The following VPS13B variants were observed in gnomAD, a reference collection of about 807,000 sequenced individuals.
The protein encoded by VPS13B is vacuolar protein sorting 13 homolog B.
VPS13B carries 285 observed loss-of-function variants against 426.4 expected under a neutral mutation model. The ratio of observed to expected loss-of-function variants is 0.67; its 90% CI spans 0.61 to 0.74. The LOEUF (loss-of-function observed/expected upper bound fraction) is 0.74. VPS13B is among the 30% of genes least tolerant of loss of function. The pLI is 0.00. For missense variants in VPS13B, 4,537 were observed against 4,782.6 expected (o/e 0.95, Z 1.51); for synonymous variants, 1,676 against 1,676.4 (o/e 1.00, Z 0.01).
rs796824615 is a variant in VPS13B, at chr8:99,430,702, ACC to A, written c.3083-826_3083-825del. Among the ~76,000 whole-genome samples, 351 of 124,960 alleles carry A rather than the reference ACC, an allele frequency of 2.8e-3. 4 individuals are homozygous for A. Among genetic ancestry groups the A allele is most frequent in the African/African-American group, 9.4e-3 (326 of 34,744 alleles). 82.0% of individuals were successfully genotyped at this position (124,960 alleles called of 152,430 possible). On this transcript the variant is annotated intron_variant, in intron 21 of 61. Transcript: ENST00000357162. ...CCTCTTTTGGTTATCATCAAAATCC[ACC>A]CCCCCCCCAACTTTTTTTTTGTTGT...
intron 3 of VPS13B, among the ~76,000 whole-genome samples, chr8:99,074,828 G>A (rs1199383962): frequency 6.6e-6 from 1 of 151,880 alleles, no homozygotes; most frequent in African/African-American, 2.4e-5. Flanking sequence ...GTAGAAACAG[G>A]GTTTCACCAT....
At chr8:99,543,533 A>G (rs1375992100) in intron 30 of VPS13B, among the ~76,000 whole-genome samples, 3 of 152,008 alleles carry the variant, frequency 2.0e-5, no homozygotes, top group Non-Finnish European at 4.4e-5. Flanking sequence ...GCAACCTACA[A>G]AATGGGAGAA....
In VPS13B at chr8:99,835,256, A is replaced by T; in HGVS notation, c.9674A>T (p.Asp3225Val). 6.2e-7 allele frequency: 1 copy of T among 1,613,952 alleles called. No homozygotes were observed. Among genetic ancestry groups the T allele is most frequent in the Non-Finnish European group, 8.5e-7 (1 of 1,179,918 alleles). The change falls in exon 53 of 62, where the codon GAC becomes GTC. Residue 3225 changes from aspartate (D) to valine (V), a missense_variant. By Grantham distance (152) the Asp-to-Val change is radical. Coordinates refer to ENST00000357162, the MANE Select transcript of VPS13B (RefSeq NM_152564.5). ...LGVTYLTLSE[D>V]PSPRVIIHNR... ...GTGACTTATTTAACCCTCTCAGAAG[A>T]CCCTAGTCCTCGAGTAATTATCCAC...
intron 39 of VPS13B, among the ~76,000 whole-genome samples, chr8:99,743,870 A>G (rs1418379716): frequency 1.3e-5 from 2 of 152,194 alleles, no homozygotes; most frequent in Non-Finnish European, 2.9e-5. Flanking sequence ...AACCATAAAA[A>G]CCCAGAAGAA....
intron 8 of VPS13B, among the ~76,000 whole-genome samples, chr8:99,134,350 A>C (rs1809958722): frequency 6.6e-6 from 1 of 152,170 alleles, no homozygotes; most frequent in South Asian, 2.1e-4. Flanking sequence ...TGATTTTGTG[A>C]GTATGGGACT....
intron 8 of VPS13B, among the ~76,000 whole-genome samples, chr8:99,124,085 G>A (rs1354460591): frequency 1.3e-5 from 2 of 152,182 alleles, no homozygotes; most frequent in Non-Finnish European, 2.9e-5. Context: ...TTGGAAAGAT[G>A]AGGAAGAAAT....
chr8:99,069,071 T>C (rs866777552), intron 3 of VPS13B, among the ~76,000 whole-genome samples: 6 of 152,284 alleles, frequency 3.9e-5, no homozygotes, highest in Middle Eastern at 3.4e-3. Flanking sequence ...TAGATTGTTA[T>C]AGGAATTTGC....
chr8:99,201,864 T>C (rs1814347905), intron 17 of VPS13B, among the ~76,000 whole-genome samples: 1 of 152,220 alleles, frequency 6.6e-6, no homozygotes, highest in African/African-American at 2.4e-5. Flanking sequence ...AGTGTGAAGA[T>C]TTTCTCAATA....
chr8:99,785,160 T>C (rs529859204), intron 43 of VPS13B, among the ~76,000 whole-genome samples: 1 of 152,290 alleles, frequency 6.6e-6, no homozygotes, highest in South Asian at 2.1e-4. Context: ...CCTGTAGCGA[T>C]AATATGAAGA....
intron 21 of VPS13B, among the ~76,000 whole-genome samples, chr8:99,403,664 A>G (rs1815172719): frequency 6.6e-6 from 1 of 152,130 alleles, no homozygotes; most frequent in African/African-American, 2.4e-5. Flanking sequence ...TGATTGGCCC[A>G]GTGGCAGCCC....
chr8:99,493,287 T>C (rs1820714159), intron 25 of VPS13B, among the ~76,000 whole-genome samples: 1 of 152,292 alleles, frequency 6.6e-6, no homozygotes, highest in African/African-American at 2.4e-5. Flanking sequence ...GATTAGAAGT[T>C]TATACTCTCT....
intron 31 of VPS13B, among the ~76,000 whole-genome samples, chr8:99,571,305 G>T (rs952987489): frequency 6.6e-6 from 1 of 151,660 alleles, no homozygotes; most frequent in African/African-American, 2.4e-5. Flanking sequence ...GTTATTCAGT[G>T]TTTCTTTTCT....
rs1354395337 is a variant in VPS13B at position 99,685,045 on chromosome 8, C to T, written c.6047-14480C>T. ...CTTGAACTCCTGACTTTGTGATCCA[C>T]CCGCCTTGGCCTACCAAAGGGCTGG... On this transcript the variant is annotated intron_variant, in intron 35 of 61. Coordinates refer to ENST00000357162, the MANE Select transcript of VPS13B (RefSeq NM_152564.5). Among the ~76,000 whole-genome samples the T allele has an allele frequency of 2.0e-5, 3 of 152,218 alleles. No individual in the cohort carries two copies. In the East Asian group the frequency reaches 5.8e-4, roughly 29 times the overall value.
intron 54 of VPS13B, among the ~76,000 whole-genome samples, chr8:99,842,803 ATTGTACTAAG>A (rs1335917758): frequency 6.6e-6 from 1 of 152,194 alleles, no homozygotes; most frequent in African/African-American, 2.4e-5. Flanking sequence ...GGTAGAAGAT[ATTGTACTAAG>A]TAGAAACCAG....
At chr8:99,423,510 C>G (rs1816501245) in intron 21 of VPS13B, among the ~76,000 whole-genome samples, 2 of 151,490 alleles carry the variant, frequency 1.3e-5, no homozygotes. Flanking sequence ...TACAGTGATC[C>G]ACCCACTTCA....
intron 19 of VPS13B, among the ~76,000 whole-genome samples, chr8:99,370,016 C>A (rs1429302369): frequency 2.0e-5 from 3 of 152,124 alleles, no homozygotes; most frequent in Non-Finnish European, 4.4e-5. Context: ...TGATTTGAAG[C>A]ATACTTTACA....
At chr8:99,765,652 G>A (rs893867401) in intron 39 of VPS13B, among the ~76,000 whole-genome samples, 3 of 152,222 alleles carry the variant, frequency 2.0e-5, no homozygotes, top group African/African-American at 7.2e-5. Flanking sequence ...GGGATGCTCT[G>A]CTTGCAGTAG....
At chr8:99,169,957 C>T in intron 15 of VPS13B, 82 bp from the exon 16 acceptor site, 2 of 1,525,934 alleles carry the variant, frequency 1.3e-6, no homozygotes. Flanking sequence ...TGTTGTAAAG[C>T]AAGTTGAAAC....
Position 99,193,374 on chromosome 8 carries a change from A to G in VPS13B, c.2515+317A>G, listed in dbSNP as rs542835558. On this transcript the variant is annotated intron_variant, in intron 17 of 61. Coordinates refer to ENST00000357162, the MANE Select transcript of VPS13B (RefSeq NM_152564.5). The stretch of plus-strand genomic sequence containing the variant: ...TGAAATGATAACCAAATTAAGTATA[A>G]GTACAGTATGTTTGATTATACTGGT... 5.9e-5 allele frequency among the ~76,000 whole-genome samples: 9 copies of G among 152,280 alleles called. No individual in the cohort carries two copies. In the South Asian group the frequency reaches 1.9e-3, roughly 32 times the overall value.
Sources: gnomAD v4.1 joint callset for allele counts (sites outside exome capture counted in the v4.1 genomes callset) on GRCh38, gnomAD v4.1.1 for gene constraint, MANE v1.5 for transcripts, NCBI Gene and HGNC (gene_info 2026-07-23, HGNC 2026-07-21) for gene names.